Variants in BBS9 observed in about 807,000 individuals in gnomAD.
BBS9 encodes protein PTHB1.
BBS9 carries 89 observed loss-of-function variants against 117.7 expected under a neutral mutation model. The observed-to-expected ratio is 0.76, with a 90% CI of 0.64 to 0.90. The LOEUF (loss-of-function observed/expected upper bound fraction) is 0.90. Ranked by LOEUF, BBS9 falls within the 40% of genes least tolerant of loss-of-function variation. BBS9 has a pLI of 0.00. For missense variants in BBS9, 982 were observed against 1,042.2 expected, an observed-to-expected ratio of 0.94 and a Z score of 0.80; for synonymous variants, 379 against 370.9, an observed-to-expected ratio of 1.02 and a Z score of -0.25.
intron 21 of BBS9, among the ~76,000 whole-genome samples, chr7:33,557,237 C>T (rs188278383): frequency 3.6e-4 from 55 of 152,204 alleles, no homozygotes; most frequent in Admixed American, 2.7e-3. Context: ...TTAATTGGAC[C>T]GCTTATCTGA....
chr7:33,138,044 GCAAA>G (rs1349956042), intron 1 of BBS9, among the ~76,000 whole-genome samples: 4 of 152,282 alleles, frequency 2.6e-5, no homozygotes, highest in South Asian at 2.1e-4. Context: ...TTAAAATAAA[GCAAA>G]CAAACAACAC....
intron 17 of BBS9, 41 bp downstream of exon 17, chr7:33,367,903 C>G (rs372606963): frequency 1.5e-5 from 22 of 1,485,634 alleles, no homozygotes; most frequent in Admixed American, 5.0e-5. Context: ...AAATTTTTTT[C>G]TAAGGATACC....
intron 5 of BBS9, among the ~76,000 whole-genome samples, chr7:33,231,317 T>C (rs974467416): frequency 1.3e-5 from 2 of 152,108 alleles, no homozygotes; most frequent in Admixed American, 1.3e-4. Flanking sequence ...GCAACAGTTG[T>C]TGAAGAGACT....
At chr7:33,407,097 A>G (rs1830163252) in intron 19 of BBS9, among the ~76,000 whole-genome samples, 1 of 152,064 alleles carries the variant, frequency 6.6e-6, no homozygotes, top group Non-Finnish European at 1.5e-5. Flanking sequence ...TGGTCTTTTC[A>G]CATAGTCCCA....
intron 20 of BBS9, among the ~76,000 whole-genome samples, chr7:33,527,797 G>T (rs922809351): frequency 3.9e-5 from 6 of 152,160 alleles, no homozygotes; most frequent in Non-Finnish European, 8.8e-5. Context: ...TTTTTCAAAG[G>T]TGAATTGCTC....
chr7:33,171,116 A>G (rs925942926), intron 4 of BBS9, among the ~76,000 whole-genome samples: 2 of 152,106 alleles, frequency 1.3e-5, no homozygotes, highest in African/African-American at 2.4e-5. Flanking sequence ...TAAAGTTCAT[A>G]TGGAATGAAA....
At chr7:33,284,614 A>G (rs1333797106) in intron 9 of BBS9, among the ~76,000 whole-genome samples, 1 of 152,116 alleles carries the variant, frequency 6.6e-6, no homozygotes, top group East Asian at 1.9e-4. Context: ...ATCTTTGATT[A>G]TTTCTTCAGT....
intron 19 of BBS9, among the ~76,000 whole-genome samples, chr7:33,432,950 C>T (rs1834747233): frequency 6.6e-6 from 1 of 152,040 alleles, no homozygotes; most frequent in Non-Finnish European, 1.5e-5. Flanking sequence ...TTCAGACCCT[C>T]AGTTGAAAAG....
intron 19 of BBS9, among the ~76,000 whole-genome samples, chr7:33,464,755 T>C (rs1017833239): frequency 6.6e-6 from 1 of 151,970 alleles, no homozygotes; most frequent in Non-Finnish European, 1.5e-5. Context: ...TTCTCATGAG[T>C]CTATTACATA....
At chr7:33,422,168 C>T (rs1229395504) in intron 19 of BBS9, among the ~76,000 whole-genome samples, 2 of 152,058 alleles carry the variant, frequency 1.3e-5, no homozygotes, top group South Asian at 2.1e-4. Flanking sequence ...TATAGCTTTT[C>T]GTAAATATAG....
intron 1 of BBS9, among the ~76,000 whole-genome samples, chr7:33,133,995 A>G (rs1790034828): frequency 6.6e-6 from 1 of 152,190 alleles, no homozygotes; most frequent in African/African-American, 2.4e-5. Flanking sequence ...CTGTCATAGT[A>G]GGTGTGAAGT....
chr7:33,407,702 C>T (rs1830296252), intron 19 of BBS9, among the ~76,000 whole-genome samples: 1 of 152,228 alleles, frequency 6.6e-6, no homozygotes, highest in African/African-American at 2.4e-5. Flanking sequence ...AGGTCCACTC[C>T]AGACCCTGTT....
chr7:33,479,504 A>C (rs1436899836), intron 19 of BBS9, among the ~76,000 whole-genome samples: 2 of 152,068 alleles, frequency 1.3e-5, no homozygotes, highest in Admixed American at 1.3e-4. Flanking sequence ...TCTTTGTACA[A>C]TCCATTGTTC....
intron 9 of BBS9, among the ~76,000 whole-genome samples, chr7:33,332,373 GAATTAAAAAC>G (rs1814270332): frequency 1.3e-5 from 2 of 151,828 alleles, no homozygotes; most frequent in Non-Finnish European, 2.9e-5. Flanking sequence ...AAAAACTATT[GAATTAAAAAC>G]AATTAAAAAC....
In BBS9 at chr7:33,394,990, G is replaced by A. The variant is rs114423077; in HGVS notation, c.2115+6846G>A. 6.2e-3 allele frequency among the ~76,000 whole-genome samples: 947 copies of A among 152,208 alleles called. 9 individuals are homozygous for A. Among genetic ancestry groups the A allele is most frequent in the African/African-American group, 0.021 (883 of 41,546 alleles). ...AGTCCAGGCTTTAGAATATCAAGTG[G>A]CAATTTTACTTTAATCATTGTCAGG... On this transcript the variant is annotated intron_variant, in intron 19 of 22. Coordinates refer to ENST00000242067, the MANE Select transcript of BBS9 (RefSeq NM_198428.3).
At chr7:33,217,661 A>G (rs998706554) in intron 5 of BBS9, among the ~76,000 whole-genome samples, 45 of 152,358 alleles carry the variant, frequency 3.0e-4, no homozygotes, top group African/African-American at 9.6e-4. Flanking sequence ...GCGTTCAAAC[A>G]ACAGTAGCCA....
Position 33,273,051 on chromosome 7 carries a change from A to G in BBS9, c.742A>G (p.Ile248Val). The change falls in exon 8 of 23, where the codon ATA (isoleucine) becomes GTA (valine). Residue 248 changes from isoleucine to valine, a missense_variant. By Grantham distance (29) the Ile-to-Val change is conservative. Coordinates refer to ENST00000242067, the MANE Select transcript of BBS9 (RefSeq NM_198428.3). ...TLNIGEQALD[I>V]CIVSFNQSAS... ...AAATATTGGAGAGCAAGCCCTTGAC[A>G]TATGTATTGTCTCTTTCAATCAGTC... 1 of 1,613,712 alleles carries G rather than the reference A, an allele frequency of 6.2e-7. No homozygotes were observed. Among genetic ancestry groups the G allele is most frequent in the Non-Finnish European group, 8.5e-7 (1 of 1,179,752 alleles).
At chr7:33,413,914 C>T (rs770346256) in intron 19 of BBS9, among the ~76,000 whole-genome samples, 2 of 152,106 alleles carry the variant, frequency 1.3e-5, no homozygotes, top group Non-Finnish European at 2.9e-5. Context: ...ATCCCAGCTA[C>T]TCAGGAGGCT....
intron 4 of BBS9, among the ~76,000 whole-genome samples, chr7:33,172,177 G>C (rs1319464045): frequency 6.6e-6 from 1 of 152,088 alleles, no homozygotes; most frequent in Non-Finnish European, 1.5e-5. Context: ...TCAGGAGATT[G>C]AGATCATCCT....
Sources: gnomAD v4.1 joint callset for allele counts (sites outside exome capture counted in the v4.1 genomes callset) on GRCh38, gnomAD v4.1.1 for gene constraint, MANE v1.5 for transcripts, NCBI Gene and HGNC (gene_info 2026-07-23, HGNC 2026-07-21) for gene names.